TFEB: variants seen among roughly 807,000 people sequenced by gnomAD.
TFEB encodes transcription factor EB.
A neutral mutation model predicts 48.0 loss-of-function variants in TFEB; 12 were observed. The ratio of observed to expected loss-of-function variants is 0.25; its 90% CI spans 0.16 to 0.40. TFEB has a LOEUF of 0.40. Among genes scored for constraint, TFEB ranks in the 10% least tolerant of loss-of-function variants. TFEB has a pLI of 1.00. For synonymous variants in TFEB, 244 were observed against 261.4 expected (o/e 0.93, Z 0.64); for missense variants, 509 against 640.3 (o/e 0.79, Z 2.21).
chr6:41,685,616 C>G (rs928721729), intron 8 of TFEB, among the ~76,000 whole-genome samples: 2 of 152,234 alleles, frequency 1.3e-5, no homozygotes, highest in African/African-American at 4.8e-5. Flanking sequence ...CTCTGCCAAG[C>G]TCCTGGTTCT....
intron 1 of TFEB, among the ~76,000 whole-genome samples, chr6:41,702,146 C>G (rs1410791702): frequency 1.3e-5 from 2 of 152,116 alleles, no homozygotes; most frequent in East Asian, 1.9e-4. Flanking sequence ...CTGCGCCCCC[C>G]TCATCCCATG....
At chr6:41,719,928 T>C (rs764896225) in intron 1 of TFEB, among the ~76,000 whole-genome samples, 48 of 151,906 alleles carry the variant, frequency 3.2e-4, no homozygotes, top group Non-Finnish European at 6.3e-4. Flanking sequence ...TTATTATCCC[T>C]GTAAAATGGG....
Position 41,718,401 on chromosome 6 carries a change from A to G in TFEB, c.-23+16949T>C, listed in dbSNP as rs145076534. Among the ~76,000 whole-genome samples the G allele has an allele frequency of 7.9e-4, 120 of 152,024 alleles. No homozygotes were observed. In the East Asian group the frequency reaches 0.022, roughly 27 times the overall value. On this transcript the variant is annotated intron_variant, in intron 1 of 8. Coordinates refer to ENST00000373033, the MANE Select transcript of TFEB (RefSeq NM_001271944.2). ...TTTTTGTATTTTTTTGTTTGTAGTAACAGGTTTCACCATGTTGCCCAGGCT... is the reference window on the plus strand; with the variant it reads ...TTTTTGTATTTTTTTGTTTGTAGTAGCAGGTTTCACCATGTTGCCCAGGCT...
intron 1 of TFEB, among the ~76,000 whole-genome samples, chr6:41,719,837 G>T (rs1770902251): frequency 6.6e-6 from 1 of 152,148 alleles, no homozygotes; most frequent in Non-Finnish European, 1.5e-5. Flanking sequence ...CAGGCCCTCA[G>T]GCCAGCTCTC....
intron 1 of TFEB, among the ~76,000 whole-genome samples, chr6:41,713,548 C>T (rs973084134): frequency 4.2e-4 from 64 of 152,142 alleles, no homozygotes; most frequent in Non-Finnish European, 5.9e-4. Flanking sequence ...GAGAGGGTGT[C>T]AGGCTGCAGG....
At position 41,684,695 on chromosome 6, in the gene TFEB, C is replaced by T. The variant is rs1768894643; in HGVS notation, c.1335G>A (p.Leu445=). Residue 445 remains leucine, a synonymous_variant, in exon 9 of 9, where the codon CTG becomes CTA. Transcript: ENST00000373033. ...LMLLDDSLLP[L]ASDPLLSTMS... is the part of the protein sequence containing the mutation. ...TGGTGGACAGAAGTGGATCAGAGGC[C>T]AGCGGTAGCAGTGAGTCGTCCAGGA... 1 of 1,613,608 alleles carries T rather than the reference C, an allele frequency of 6.2e-7. No individual in the cohort carries two copies. Among genetic ancestry groups the T allele is most frequent in the Non-Finnish European group, 8.5e-7 (1 of 1,179,924 alleles).
intron 1 of TFEB, among the ~76,000 whole-genome samples, chr6:41,726,748 C>A (rs1043228738): frequency 3.9e-5 from 6 of 152,118 alleles, no homozygotes; most frequent in Admixed American, 3.3e-4. Flanking sequence ...CAGGGGTTCA[C>A]TTTTATAATT....
rs111841792 is a variant in TFEB at position 41,694,485 on chromosome 6, G to A, written c.-22-3250C>T. On this transcript the variant is annotated intron_variant, in intron 1 of 8. Coordinates refer to ENST00000373033, the MANE Select transcript of TFEB (RefSeq NM_001271944.2). ...CCAGCCCTCTCCCCTGGCCCTGGTC[G>A]CCAGCCTGGGTTGCTGAGTGTGGTG... Among the ~76,000 whole-genome samples the A allele has an allele frequency of 7.2e-3, 1,100 of 152,130 alleles. 14 individuals are homozygous for A. The highest frequency in any genetic ancestry group is 0.025 in the African/African-American group (1,024 of 41,490).
At chr6:41,687,023 T>C in intron 7 of TFEB, 71 bp downstream of exon 7, 2 of 1,314,146 alleles carry the variant, frequency 1.5e-6, no homozygotes, top group Non-Finnish European at 1.1e-6. Context: ...AGCATGGGGC[T>C]GAGGGCAGAT....
At chr6:41,688,200 T>A in intron 4 of TFEB, 172 bp from the exon 5 acceptor site, 1 of 744,440 alleles carries the variant, frequency 1.3e-6, no homozygotes, top group Non-Finnish European at 2.1e-6. Flanking sequence ...AGTCCAGAGC[T>A]ATTATAAGAT....
intron 1 of TFEB, among the ~76,000 whole-genome samples, chr6:41,729,648 A>G (rs1349469566): frequency 6.6e-6 from 1 of 152,188 alleles, no homozygotes; most frequent in Non-Finnish European, 1.5e-5. Flanking sequence ...TTCATCAACC[A>G]GTGCACAGTT....
At chr6:41,687,274 G>A (rs1178899788) in intron 6 of TFEB, 105 bp from the exon 7 acceptor site, 3 of 964,384 alleles carry the variant, frequency 3.1e-6, no homozygotes, top group African/African-American at 3.2e-5. Flanking sequence ...GCAGCCTGCA[G>A]CTTAGATTTA....
At chr6:41,686,052 G>A (rs1217981566) in intron 8 of TFEB, 38 bp downstream of exon 8, 1 of 1,613,850 alleles carries the variant, frequency 6.2e-7, no homozygotes, top group South Asian at 1.1e-5. Flanking sequence ...CAGGTTAAGG[G>A]TCAGAGTTAC....
rs1561872116 is a variant in TFEB at position 41,724,032 on chromosome 6, C to G, written c.-23+11318G>C. On this transcript the variant is annotated intron_variant, in intron 1 of 8. Transcript: ENST00000373033. This position sits in a 1 kb window ranked among gnomAD's most constrained non-coding sequence, Gnocchi z 4.4. ...TTGGCCTTGGGCCTTCCCAGGGCCT[C>G]CAGACACCCAGGTCGAGGCCGTACT... is the stretch of plus-strand genomic sequence containing the variant. 1 of 444,360 alleles carries G rather than the reference C, an allele frequency of 2.3e-6. No homozygotes were observed. The highest frequency in any genetic ancestry group is 4.5e-6 in the Non-Finnish European group (1 of 220,736). 27.5% of individuals were successfully genotyped at this position (444,360 alleles called of 1,614,324 possible).
At position 41,690,788 on chromosome 6, in the gene TFEB, G is replaced by A. The variant is rs544888820; in HGVS notation, c.343C>T (p.Pro115Ser). ...GGGGAGGCGGCTGGTGGGGGTTTCG[G>A]AGAGCCCTGGGCTGGGCTGATGTGG... ...AAHISPAQGSPKPPPAASPGV... is the reference protein window; with the variant it reads ...AAHISPAQGSSKPPPAASPGV... Residue 115 changes from proline to serine, a missense_variant, in exon 3 of 9, where the codon CCG becomes TCG. Around this residue, in one of 4 missense-constraint regions of TFEB, gnomAD observed 251 missense variants for 317.2 expected, o/e 0.79. Transcript: ENST00000373033. The A allele has an allele frequency of 4.7e-5, 75 of 1,612,048 alleles. No individual in the cohort carries two copies. In the South Asian group the frequency reaches 7.3e-4, roughly 16 times the overall value.
At chr6:41,728,743 C>T (rs1038470393) in intron 1 of TFEB, among the ~76,000 whole-genome samples, 1 of 152,078 alleles carries the variant, frequency 6.6e-6, no homozygotes, top group Non-Finnish European at 1.5e-5. Context: ...GTGAGCCCTA[C>T]ACCAGGAGGA....
chr6:41,686,372 G>A (rs1076727), intron 7 of TFEB, 135 bp from the exon 8 acceptor site: 373,562 of 1,136,750 alleles, frequency 0.33, 63,516 homozygotes, highest in Middle Eastern at 0.41. Context: ...GGTGGAGGTG[G>A]CTGATCTCAG....
In TFEB at chr6:41,690,790, G is replaced by C. The variant is rs771263853; in HGVS notation, c.341C>G (p.Ser114Cys). Residue 114 changes from serine to cysteine, a missense_variant, in exon 3 of 9, where the codon TCT (serine) becomes TGT (cysteine). Transcript: ENST00000373033. ...FAAHISPAQG[S>C]PKPPPAASPG... ...GGAGGCGGCTGGTGGGGGTTTCGGA[G>C]AGCCCTGGGCTGGGCTGATGTGGGC... The C allele has an allele frequency of 1.2e-6, 2 of 1,612,030 alleles. No homozygotes were observed. The highest frequency in any genetic ancestry group is 2.2e-5 in the South Asian group (2 of 91,008).
chr6:41,699,331 G>T (rs1239555951), intron 1 of TFEB, among the ~76,000 whole-genome samples: 1 of 152,170 alleles, frequency 6.6e-6, no homozygotes, highest in Non-Finnish European at 1.5e-5. Context: ...AGTTCCTTTG[G>T]GGAAAGTGTC....
Sources: allele counts gnomAD v4.1 joint callset (sites outside exome capture counted in the v4.1 genomes callset), GRCh38; gene constraint gnomAD v4.1.1; regional missense constraint gnomAD v4.1.1; non-coding constraint Gnocchi (gnomAD v3.1); transcripts MANE v1.5; gene names NCBI Gene and HGNC (gene_info 2026-07-23, HGNC 2026-07-21).